CTIF: variants seen among roughly 807,000 people sequenced by gnomAD.
The protein encoded by CTIF is cap binding complex dependent translation initiation factor, also known as CBP80/20-dependent translation initiation factor.
Under a neutral mutation model 66.0 loss-of-function variants are expected in CTIF, and 21 were observed. The ratio of observed to expected loss-of-function variants is 0.32; its 90% CI spans 0.23 to 0.46. CTIF has a LOEUF of 0.46. CTIF is among the 20% of genes least tolerant of loss of function. CTIF has a pLI of 1.00. For synonymous variants in CTIF, 345 were observed against 326.4 expected, an observed-to-expected ratio of 1.06 and a Z score of -0.62; for missense variants, 739 against 812.7, an observed-to-expected ratio of 0.91 and a Z score of 1.10.
chr18:48,621,824 T>C (rs1361106176), intron 2 of CTIF, among the ~76,000 whole-genome samples: 1 of 152,136 alleles, frequency 6.6e-6, no homozygotes, highest in Non-Finnish European at 1.5e-5. Flanking sequence ...CATGTGGTGG[T>C]ATTTGGGGGA....
At position 48,774,268 on chromosome 18, in the gene CTIF, C is replaced by T. The variant is rs147054531; in HGVS notation, c.1371+12579C>T. 2.9e-3 allele frequency among the ~76,000 whole-genome samples: 443 copies of T among 152,286 alleles called. 2 individuals carry two copies. Among genetic ancestry groups the T allele is most frequent in the African/African-American group, 7.5e-3 (310 of 41,554 alleles). ...TCTGTCCAGGAGAGGCGGATACACT[C>T]GACCAGAAGCAGAACCATGGGCACA... On this transcript the variant is annotated intron_variant, in intron 9 of 11. Transcript: ENST00000256413.
chr18:48,624,064 G>A (rs760838766), intron 2 of CTIF, among the ~76,000 whole-genome samples: 1 of 140,526 alleles, frequency 7.1e-6, no homozygotes, highest in Non-Finnish European at 1.5e-5. Flanking sequence ...TTGACACCAC[G>A]CCCCTCCCCA....
At chr18:48,837,508 G>C (rs907830959) in intron 10 of CTIF, among the ~76,000 whole-genome samples, 17 of 152,150 alleles carry the variant, frequency 1.1e-4, no homozygotes, top group Non-Finnish European at 7.4e-5. Context: ...GGAAGCTATG[G>C]GCCTAGGGGC....
intron 3 of CTIF, among the ~76,000 whole-genome samples, chr18:48,653,842 C>A (rs1369752779): frequency 6.6e-6 from 1 of 152,184 alleles, no homozygotes; most frequent in Non-Finnish European, 1.5e-5. Context: ...ACCATCTGAT[C>A]TTTGACAAAC....
At chr18:48,835,676 C>T (rs550370665) in intron 10 of CTIF, among the ~76,000 whole-genome samples, 2 of 152,314 alleles carry the variant, frequency 1.3e-5, no homozygotes, top group Admixed American at 1.3e-4. Flanking sequence ...CATGAGTGGC[C>T]TTGGGCACAC....
chr18:48,709,428 G>C (rs2092198598), intron 6 of CTIF, among the ~76,000 whole-genome samples: 1 of 152,258 alleles, frequency 6.6e-6, no homozygotes, highest in Non-Finnish European at 1.5e-5. Context: ...CTGTGTGCAG[G>C]TAAGGAGGCC....
At chr18:48,776,131 C>T (rs1025258584) in intron 9 of CTIF, among the ~76,000 whole-genome samples, 2 of 152,248 alleles carry the variant, frequency 1.3e-5, no homozygotes, top group Non-Finnish European at 2.9e-5. Context: ...TGGGGTTTTG[C>T]TGAGGCAGGT....
chr18:48,857,494 T>C, intron 10 of CTIF, 94 bp from the exon 11 acceptor site: 5 of 1,109,770 alleles, frequency 4.5e-6, no homozygotes, highest in Non-Finnish European at 6.5e-6. Context: ...GCATCAGGGC[T>C]GGGGCTGCAG....
intron 1 of CTIF, among the ~76,000 whole-genome samples, chr18:48,570,440 C>A (rs2089388666): frequency 6.6e-6 from 1 of 152,210 alleles, no homozygotes. Context: ...CACTAACAGT[C>A]CCTCTGGTCA....
chr18:48,709,122 AT>A (rs2092194730), intron 6 of CTIF, among the ~76,000 whole-genome samples: 1 of 152,206 alleles, frequency 6.6e-6, no homozygotes. Flanking sequence ...TATTATCTCC[AT>A]TTTACAGATA....
intron 1 of CTIF, among the ~76,000 whole-genome samples, chr18:48,560,095 C>T (rs1471842343): frequency 6.6e-6 from 1 of 152,104 alleles, no homozygotes; most frequent in Non-Finnish European, 1.5e-5. Context: ...ATAGAAATGC[C>T]AGTTATCTAA....
chr18:48,800,031 A>G lies in CTIF; in HGVS notation c.1372-17190A>G, dbSNP rs139098493. On this transcript the variant is annotated intron_variant, in intron 9 of 11. Transcript: ENST00000256413. ...CAGAGGGCCTCTGGGAGGAGAAAAC[A>G]AGTAGACCGAGACTTGAAGGAGGTG... Among the ~76,000 whole-genome samples the G allele has an allele frequency of 5.7e-3, 862 of 152,366 alleles. 12 individuals are homozygous for G. Among genetic ancestry groups the G allele is most frequent in the African/African-American group, 0.019 (807 of 41,590 alleles).
At chr18:48,712,809 G>T (rs920015980) in intron 7 of CTIF, among the ~76,000 whole-genome samples, 6 of 152,200 alleles carry the variant, frequency 3.9e-5, no homozygotes, top group Non-Finnish European at 8.8e-5. Flanking sequence ...GGATTATTAG[G>T]TGGTGACTGC....
intron 6 of CTIF, among the ~76,000 whole-genome samples, chr18:48,702,385 G>C (rs1252774744): frequency 2.0e-5 from 3 of 152,194 alleles, no homozygotes; most frequent in Non-Finnish European, 1.5e-5. Flanking sequence ...ATATTCACGT[G>C]CACTTTTAAG....
intron 7 of CTIF, among the ~76,000 whole-genome samples, chr18:48,734,034 T>C (rs1386288354): frequency 6.6e-6 from 1 of 152,224 alleles, no homozygotes; most frequent in African/African-American, 2.4e-5. Flanking sequence ...GCAAAGCCAG[T>C]TGGCAATGCC....
At chr18:48,770,545 A>G (rs191857709) in intron 9 of CTIF, among the ~76,000 whole-genome samples, 54 of 152,362 alleles carry the variant, frequency 3.5e-4, no homozygotes, top group African/African-American at 1.3e-3. Context: ...CTGTGTTGTT[A>G]GGAGCGTGGG....
chr18:48,772,852 G>C (rs1369117621), intron 9 of CTIF, among the ~76,000 whole-genome samples: 2 of 152,204 alleles, frequency 1.3e-5, no homozygotes, highest in African/African-American at 4.8e-5. Flanking sequence ...TATATACCTA[G>C]AAGTGGAATT....
At chr18:48,749,805 T>C (rs1457438146) in intron 7 of CTIF, among the ~76,000 whole-genome samples, 1 of 152,130 alleles carries the variant, frequency 6.6e-6, no homozygotes, top group Non-Finnish European at 1.5e-5. Flanking sequence ...AGTCCACACT[T>C]CAAACTACCA....
At chr18:48,551,884 G>A (rs914328898) in intron 1 of CTIF, among the ~76,000 whole-genome samples, 14 of 151,690 alleles carry the variant, frequency 9.2e-5, no homozygotes, top group African/African-American at 1.7e-4. Context: ...TGCAAGCTCC[G>A]CCTCCTGGGT....
Sources: gnomAD v4.1 joint callset for allele counts (sites outside exome capture counted in the v4.1 genomes callset) on GRCh38, gnomAD v4.1.1 for gene constraint, MANE v1.5 for transcripts, NCBI Gene and HGNC (gene_info 2026-07-23, HGNC 2026-07-21) for gene names.